Variants in AGBL4 observed in about 807,000 individuals in gnomAD.
AGBL4 encodes AGBL carboxypeptidase 4.
Under a neutral mutation model 66.4 loss-of-function variants are expected in AGBL4, and 58 were observed. The observed-to-expected ratio is 0.87, with a 90% CI of 0.71 to 1.09. AGBL4 has a LOEUF of 1.09. Ranked by LOEUF, AGBL4 falls within the 50% of genes least tolerant of loss-of-function variation. The pLI, the probability that AGBL4 is intolerant of heterozygous loss-of-function variation, is 0.00. For missense variants in AGBL4, 579 were observed against 631.0 expected (o/e 0.92, Z 0.88); for synonymous variants, 234 against 222.9 (o/e 1.05, Z -0.44).
chr1:49,910,373 T>C (rs1650693680), intron 1 of AGBL4, among the ~76,000 whole-genome samples: 1 of 152,202 alleles, frequency 6.6e-6, no homozygotes, highest in Non-Finnish European at 1.5e-5. Context: ...TGGAGGTCAC[T>C]GATGACCTTG....
chr1:49,868,063 AC>A (rs199628431), intron 1 of AGBL4, among the ~76,000 whole-genome samples: 7,553 of 152,228 alleles, frequency 0.05, 296 homozygotes, highest in East Asian at 0.15. Context: ...AATACAACTT[AC>A]AAGGGATGTG....
intron 1 of AGBL4, among the ~76,000 whole-genome samples, chr1:49,893,133 T>G (rs1280861901): frequency 6.6e-6 from 1 of 152,072 alleles, no homozygotes; most frequent in Admixed American, 6.6e-5. Context: ...AGGAAGAAGG[T>G]GCAAAAATCC....
At chr1:49,250,674 C>A (rs1651982174) in intron 3 of AGBL4, among the ~76,000 whole-genome samples, 1 of 152,040 alleles carries the variant, frequency 6.6e-6, no homozygotes, top group East Asian at 1.9e-4. Context: ...GAACTCTTGA[C>A]CTCATGTCCG....
At chr1:49,519,600 T>C (rs944374016) in intron 3 of AGBL4, among the ~76,000 whole-genome samples, 1 of 152,104 alleles carries the variant, frequency 6.6e-6, no homozygotes, top group Non-Finnish European at 1.5e-5. Context: ...TGAAACCCTA[T>C]GTAGTCACAT....
At position 48,934,046 on chromosome 1, in the gene AGBL4, G is replaced by T. The variant is rs561462673; in HGVS notation, c.595-66816C>A. The stretch of plus-strand genomic sequence containing the variant: ...TGTTTTGACGAGGTAGCCTATTTTG[G>T]TAAGTGCCTCTGGGGAGCTACAGAA... On this transcript the variant is annotated intron_variant, in intron 5 of 13. Coordinates refer to ENST00000371839, the MANE Select transcript of AGBL4 (RefSeq NM_032785.4). Among the ~76,000 whole-genome samples, 9 of 152,274 alleles carry T rather than the reference G, an allele frequency of 5.9e-5. No homozygotes were observed. In the South Asian group the frequency reaches 1.9e-3, roughly 32 times the overall value.
chr1:49,946,698 C>A (rs908974033), intron 1 of AGBL4, among the ~76,000 whole-genome samples: 6 of 151,392 alleles, frequency 4.0e-5, no homozygotes, highest in Non-Finnish European at 8.9e-5. Flanking sequence ...AAAGAAATAA[C>A]CAAGATCAGA....
At chr1:48,911,799 A>C (rs1490551667) in intron 5 of AGBL4, among the ~76,000 whole-genome samples, 1 of 152,154 alleles carries the variant, frequency 6.6e-6, no homozygotes, top group African/African-American at 2.4e-5. Flanking sequence ...CTCCAGTGCT[A>C]CCTTCTTTGA....
chr1:49,009,171 C>T (rs954175225), intron 5 of AGBL4, among the ~76,000 whole-genome samples: 23 of 151,716 alleles, frequency 1.5e-4, no homozygotes, highest in Middle Eastern at 3.4e-3. Flanking sequence ...ATCAAATAGA[C>T]GCAATAAAAA....
intron 3 of AGBL4, among the ~76,000 whole-genome samples, chr1:49,359,912 G>A (rs955757177): frequency 1.3e-5 from 2 of 152,090 alleles, no homozygotes; most frequent in African/African-American, 4.8e-5. Flanking sequence ...ATTAAAATCA[G>A]GACAGTCCCA....
chr1:49,936,756 G>T (rs1654093029), intron 1 of AGBL4, among the ~76,000 whole-genome samples: 1 of 152,068 alleles, frequency 6.6e-6, no homozygotes, highest in Non-Finnish European at 1.5e-5. Context: ...AAAAGTGAAG[G>T]AGAAATAAAA....
intron 1 of AGBL4, among the ~76,000 whole-genome samples, chr1:49,937,598 C>A (rs1182508052): frequency 1.3e-5 from 2 of 152,154 alleles, no homozygotes; most frequent in Non-Finnish European, 2.9e-5. Context: ...AAGTAAAGCA[C>A]TCCTCAGCAA....
At chr1:49,565,979 TC>T (rs112480535) in intron 3 of AGBL4, among the ~76,000 whole-genome samples, 10 of 152,340 alleles carry the variant, frequency 6.6e-5, no homozygotes, top group African/African-American at 2.4e-4. Context: ...GTCCCATATT[TC>T]TTGGAGGCTT....
At chr1:49,115,668 C>T (rs1177477037) in intron 4 of AGBL4, among the ~76,000 whole-genome samples, 6 of 152,064 alleles carry the variant, frequency 3.9e-5, no homozygotes, top group African/African-American at 1.4e-4. Context: ...ATGAATGAGA[C>T]TTCCAAGTAA....
At chr1:49,975,648 C>T (rs1162514780) in intron 1 of AGBL4, among the ~76,000 whole-genome samples, 3 of 152,296 alleles carry the variant, frequency 2.0e-5, no homozygotes, top group East Asian at 3.9e-4. Flanking sequence ...TCAAAGAGAC[C>T]ACATTTGAAA....
chr1:49,059,375 T>C (rs578173802), intron 4 of AGBL4, among the ~76,000 whole-genome samples: 12 of 152,194 alleles, frequency 7.9e-5, no homozygotes, highest in Non-Finnish European at 1.2e-4. Flanking sequence ...AAGTCAAGAA[T>C]TGGGGTTTGG....
intron 6 of AGBL4, among the ~76,000 whole-genome samples, chr1:48,714,530 C>A (rs1331077027): frequency 6.6e-6 from 1 of 152,216 alleles, no homozygotes; most frequent in Admixed American, 6.5e-5. Context: ...TTTGCTCCAG[C>A]CTTCCACATT....
At chr1:49,160,604 A>G (rs1646521431) in intron 4 of AGBL4, among the ~76,000 whole-genome samples, 1 of 152,148 alleles carries the variant, frequency 6.6e-6, no homozygotes, top group Non-Finnish European at 1.5e-5. Context: ...TGCTCTCTTT[A>G]GAGCCATCAG....
chr1:48,717,102 T>C (rs1557900060), intron 6 of AGBL4, among the ~76,000 whole-genome samples: 1 of 152,212 alleles, frequency 6.6e-6, no homozygotes, highest in African/African-American at 2.4e-5. Flanking sequence ...CAGTGCCCCA[T>C]CCCCACACAC....
intron 3 of AGBL4, among the ~76,000 whole-genome samples, chr1:49,265,875 G>A (rs1413813129): frequency 1.3e-5 from 2 of 152,114 alleles, no homozygotes; most frequent in Non-Finnish European, 2.9e-5. Flanking sequence ...ATGTATGTAT[G>A]TAAGGATATA....
Sources: allele counts gnomAD v4.1 joint callset (sites outside exome capture counted in the v4.1 genomes callset), GRCh38; gene constraint gnomAD v4.1.1; transcripts MANE v1.5; gene names NCBI Gene and HGNC (gene_info 2026-07-23, HGNC 2026-07-21).